The following PTPA variants were observed in gnomAD, a reference collection of about 807,000 sequenced individuals.
PTPA encodes the protein serine/threonine-protein phosphatase 2A activator.
PTPA carries 13 observed loss-of-function variants against 43.6 expected under a neutral mutation model. The ratio of observed to expected loss-of-function variants is 0.30; its 90% CI spans 0.19 to 0.47. The LOEUF is 0.47. Among genes scored for constraint, PTPA ranks in the 20% least tolerant of loss-of-function variants. PTPA has a pLI of 0.99. For synonymous variants in PTPA, 172 were observed against 158.2 expected, an observed-to-expected ratio of 1.09 and a Z score of -0.66; for missense variants, 329 against 411.9, an observed-to-expected ratio of 0.80 and a Z score of 1.74.
intron 8 of PTPA, 113 bp from the exon 9 acceptor site, chr9:129,142,332 G>T (rs1404602229): frequency 1.1e-5 from 10 of 921,336 alleles, no homozygotes; most frequent in African/African-American, 1.8e-5. Flanking sequence ...TTGTGTGCGT[G>T]TGCGTTTGTG....
At chr9:129,116,473 G>A (rs1437871051) in intron 1 of PTPA, among the ~76,000 whole-genome samples, 3 of 145,166 alleles carry the variant, frequency 2.1e-5, no homozygotes, top group Admixed American at 7.2e-5. Context: ...TGCAAGCTCC[G>A]AGTTCCATGT....
At chr9:129,113,326 G>A (rs1295163818) in intron 1 of PTPA, among the ~76,000 whole-genome samples, 3 of 151,146 alleles carry the variant, frequency 2.0e-5, no homozygotes, top group African/African-American at 4.9e-5. Context: ...TCCTGACCTC[G>A]TGATCCTCCT....
intron 9 of PTPA, chr9:129,142,865 A>C: frequency 6.6e-7 from 1 of 1,523,858 alleles, no homozygotes; most frequent in Non-Finnish European, 8.8e-7. Flanking sequence ...TCCTTTATCA[A>C]GTGGCCAAAG....
At chr9:129,139,574 A>G (rs1432151884) in intron 8 of PTPA, 2 of 152,228 alleles carry the variant, frequency 1.3e-5, no homozygotes, top group African/African-American at 4.8e-5. Context: ...GTTGCAGCAC[A>G]CGTTGTGTTG....
Position 129,137,623 on chromosome 9 carries a change from G to A in PTPA, c.717G>A (p.Val239=), listed in dbSNP as rs1300300257. 3 of 1,612,994 alleles carry A rather than the reference G, an allele frequency of 1.9e-6. No individual in the cohort carries two copies. The highest frequency in any genetic ancestry group is 2.5e-6 in the Non-Finnish European group (3 of 1,179,534). The change falls in exon 8 of 10, where the codon GTG becomes GTA. Residue 239 remains valine (V), a synonymous_variant. Coordinates refer to ENST00000393370, the MANE Select transcript of PTPA (RefSeq NM_178000.3). ...CATACCTGGAGCCCAGACACTTTGT[G>A]GATGAGAAGGCCGTGAATGAGAACC... is the stretch of plus-strand genomic sequence containing the variant. The part of the protein sequence containing the change: ...DHPYLEPRHF[V]DEKAVNENHK...
intron 4 of PTPA, among the ~76,000 whole-genome samples, chr9:129,129,475 CTTTT>C (rs1257781749): frequency 6.9e-6 from 1 of 144,326 alleles, no homozygotes; most frequent in African/African-American, 2.5e-5. Flanking sequence ...TTTATTTTAT[CTTTT>C]TTTTTTTTTA....
At chr9:129,120,310 G>A (rs2131553726) in intron 1 of PTPA, among the ~76,000 whole-genome samples, 1 of 151,788 alleles carries the variant, frequency 6.6e-6, no homozygotes, top group African/African-American at 2.4e-5. Context: ...TGTAATCTCA[G>A]CTACTCAGGA....
At chr9:129,112,882 G>A (rs1045684919) in intron 1 of PTPA, among the ~76,000 whole-genome samples, 3 of 151,924 alleles carry the variant, frequency 2.0e-5, no homozygotes, top group Admixed American at 6.5e-5. Flanking sequence ...CAGAGGTTGC[G>A]GTGAGCTGAG....
chr9:129,137,753 T>C, intron 8 of PTPA, 61 bp downstream of exon 8: 1 of 1,432,004 alleles, frequency 7.0e-7, no homozygotes, highest in Non-Finnish European at 9.7e-7. Flanking sequence ...GAACCAAGGC[T>C]GGTGGCCTTA....
At chr9:129,113,994 A>T (rs903139584) in intron 1 of PTPA, among the ~76,000 whole-genome samples, 2 of 152,042 alleles carry the variant, frequency 1.3e-5, no homozygotes, top group African/African-American at 4.8e-5. Context: ...TGAAATTTGA[A>T]ACAGAACTTT....
At chr9:129,142,689 C>G in intron 9 of PTPA, 137 bp downstream of exon 9, 1 of 1,546,196 alleles carries the variant, frequency 6.5e-7, no homozygotes, top group East Asian at 2.4e-5. Context: ...AGGCCAGCCC[C>G]TCTGACACTT....
chr9:129,126,556 G>A (rs937036805), intron 3 of PTPA, among the ~76,000 whole-genome samples: 9 of 152,114 alleles, frequency 5.9e-5, no homozygotes, highest in African/African-American at 2.2e-4. Context: ...AAATAAATGT[G>A]ATAAGAGATT....
chr9:129,147,658 C>A lies in PTPA; in HGVS notation c.*194C>A. On this transcript the variant is annotated 3_prime_UTR_variant, in exon 10 of 10. Coordinates refer to ENST00000393370, the MANE Select transcript of PTPA (RefSeq NM_178000.3). ...CAGGGCCCAAGTTGGGAGAAGTGAC[C>A]AAAGTGTAGCCAGTTTTCTGAGTTC... 1 of 596,754 alleles carries A rather than the reference C, an allele frequency of 1.7e-6. No homozygotes were observed. The highest frequency in any genetic ancestry group is 2.9e-6 in the Non-Finnish European group (1 of 339,974). The allele number at this position is 596,754 out of a possible 1,614,324, so 37.0% of individuals were successfully genotyped here.
chr9:129,142,100 C>T, intron 8 of PTPA: 1 of 226,782 alleles, frequency 4.4e-6, no homozygotes. Flanking sequence ...TCTTATCTTC[C>T]TGAGGCTGCT....
chr9:129,145,418 C>T (rs1413644700), intron 9 of PTPA, among the ~76,000 whole-genome samples: 2 of 152,132 alleles, frequency 1.3e-5, no homozygotes, highest in South Asian at 2.1e-4. Flanking sequence ...TCCTTGGTCC[C>T]GAAGGGCCCA....
intron 2 of PTPA, among the ~76,000 whole-genome samples, chr9:129,121,991 G>A (rs148616333): frequency 2.2e-4 from 33 of 152,270 alleles, no homozygotes; most frequent in Admixed American, 5.2e-4. Context: ...TGGACACCCC[G>A]GCTTGGATAA....
chr9:129,142,134 A>G (rs1284254418), intron 8 of PTPA: 4 of 297,318 alleles, frequency 1.3e-5, no homozygotes, highest in East Asian at 5.7e-5. Context: ...GATAGGAATC[A>G]GGCCCCCTTT....
intron 1 of PTPA, among the ~76,000 whole-genome samples, chr9:129,116,807 G>C (rs149121851): frequency 2.0e-5 from 3 of 151,886 alleles, no homozygotes; most frequent in Non-Finnish European, 2.9e-5. Context: ...CTGGGATTAC[G>C]GACATGAGCC....
At chr9:129,146,762 T>C (rs1025687442) in intron 9 of PTPA, among the ~76,000 whole-genome samples, 2 of 152,190 alleles carry the variant, frequency 1.3e-5, no homozygotes, top group Admixed American at 1.3e-4. Flanking sequence ...GCTCCTCTGC[T>C]AGGAGCCCGG....
Sources: allele counts gnomAD v4.1 joint callset (sites outside exome capture counted in the v4.1 genomes callset), GRCh38; gene constraint gnomAD v4.1.1; transcripts MANE v1.5; gene names NCBI Gene and HGNC (gene_info 2026-07-23, HGNC 2026-07-21).